LYZL4: variants seen among roughly 807,000 people sequenced by gnomAD.
LYZL4 encodes the protein lysozyme-like protein 4.
In LYZL4, 13 loss-of-function variants were observed where a neutral mutation model predicts 17.6. The ratio of observed to expected loss-of-function variants is 0.74; its 90% CI spans 0.48 to 1.18. LYZL4 has a LOEUF of 1.18. Ranked by LOEUF, LYZL4 falls within the 50% of genes most tolerant of loss-of-function variation. The pLI is 0.00. For synonymous variants in LYZL4, 64 were observed against 67.7 expected, an observed-to-expected ratio of 0.95 and a Z score of 0.27; for missense variants, 174 against 188.2, an observed-to-expected ratio of 0.92 and a Z score of 0.44.
the LYZL4 span, among the ~76,000 whole-genome samples, chr3:42,389,129 A>C: frequency 6.6e-6 from 1 of 152,260 alleles, no homozygotes; most frequent in Non-Finnish European, 1.5e-5. Flanking sequence ...GGTGGGAGCC[A>C]GGACCCTCGG....
chr3:42,404,970 A>AT (rs1345902762), intron 3 of LYZL4, among the ~76,000 whole-genome samples: 1 of 152,122 alleles, frequency 6.6e-6, no homozygotes, highest in Non-Finnish European at 1.5e-5. Context: ...ACATTATTCC[A>AT]TTTTATGTTC....
Position 42,397,282 on chromosome 3 carries a change from C to G in LYZL4, c.424G>C (p.Asp142His), listed in dbSNP as rs368162409. ...QYSDTLARWL[D>H]GCKL Reference sequence around the variant, plus strand: ...GCAGGTGGCTACAGCTTGCAACCATCCAGCCACCGTGCCAGGGTATCGGAG... The same window carrying G: ...GCAGGTGGCTACAGCTTGCAACCATGCAGCCACCGTGCCAGGGTATCGGAG... Residue 142 changes from aspartate (D) to histidine (H), a missense_variant, in exon 5 of 5, where the codon GAT (aspartate) becomes CAT (histidine). Transcript: ENST00000287748. 2.6e-5 allele frequency: 40 copies of G among 1,568,094 alleles called. No individual in the cohort carries two copies. The highest frequency in any genetic ancestry group is 3.4e-5 in the Non-Finnish European group (39 of 1,156,222).
intron 3 of LYZL4, among the ~76,000 whole-genome samples, chr3:42,404,339 T>C (rs1698711478): frequency 6.6e-6 from 1 of 152,228 alleles, no homozygotes; most frequent in Non-Finnish European, 1.5e-5. Flanking sequence ...GTAATTCTTA[T>C]AAAATTTTTT....
intron 3 of LYZL4, 88 bp from the exon 4 acceptor site, chr3:42,404,212 CAG>C: frequency 1.3e-6 from 1 of 745,360 alleles, no homozygotes; most frequent in Non-Finnish European, 2.2e-6. Flanking sequence ...GTACTCACAT[CAG>C]AGAGTCTTCC....
chr3:42,408,997 C>T (rs1312533645), intron 1 of LYZL4, among the ~76,000 whole-genome samples: 1 of 152,230 alleles, frequency 6.6e-6, no homozygotes, highest in African/African-American at 2.4e-5. Context: ...ATCATACTTT[C>T]AAACGTTTGT....
chr3:42,375,023 C>A, the LYZL4 span, among the ~76,000 whole-genome samples: 1 of 152,072 alleles, frequency 6.6e-6, no homozygotes, highest in Non-Finnish European at 1.5e-5. Flanking sequence ...GTTGCCCAGT[C>A]TGGTCTTGAA....
chr3:42,384,748 C>A, the LYZL4 span, among the ~76,000 whole-genome samples: 1 of 152,018 alleles, frequency 6.6e-6, no homozygotes, highest in Non-Finnish European at 1.5e-5. Flanking sequence ...ATTGATGGAA[C>A]CCAAGTTAAA....
At chr3:42,367,248 G>A in the LYZL4 span, among the ~76,000 whole-genome samples, 3 of 152,162 alleles carry the variant, frequency 2.0e-5, no homozygotes, top group Non-Finnish European at 4.4e-5. Flanking sequence ...TGACAAAATT[G>A]AGTGTGCCAA....
the LYZL4 span, among the ~76,000 whole-genome samples, chr3:42,385,622 C>T: frequency 1.3e-5 from 2 of 152,306 alleles, no homozygotes; most frequent in East Asian, 3.9e-4. Flanking sequence ...ATTCACTCAG[C>T]ACCATGGGAG....
At position 42,401,167 on chromosome 3, in the gene LYZL4, G is replaced by A. The variant is rs370166405; in HGVS notation, c.371+2879C>T. On this transcript the variant is annotated intron_variant, in intron 4 of 4. Coordinates refer to ENST00000287748, the MANE Select transcript of LYZL4 (RefSeq NM_144634.4). ...GATAAAGCTAACACGGGACCTATGC[G>A]GAAATATCACAAAAAGAAAAGGGGG... 1.2e-4 allele frequency among the ~76,000 whole-genome samples: 18 copies of A among 152,018 alleles called. No individual in the cohort carries two copies. In the East Asian group the frequency reaches 1.9e-3, roughly 16 times the overall value.
chr3:42,405,238 C>A (rs1360607699), intron 3 of LYZL4, among the ~76,000 whole-genome samples: 1 of 152,136 alleles, frequency 6.6e-6, no homozygotes, highest in Non-Finnish European at 1.5e-5. Context: ...TTAGTAGAGA[C>A]GGGGTTTCAC....
At chr3:42,402,231 A>C (rs1025197733) in intron 4 of LYZL4, among the ~76,000 whole-genome samples, 1 of 151,072 alleles carries the variant, frequency 6.6e-6, no homozygotes, top group African/African-American at 2.4e-5. Context: ...ACTTGAGCCC[A>C]GGAGTTCCAG....
chr3:42,399,185 C>T lies in LYZL4; in HGVS notation c.372-1851G>A, dbSNP rs1485964703. Among the ~76,000 whole-genome samples, 4 of 152,160 alleles carry T rather than the reference C, an allele frequency of 2.6e-5. No individual in the cohort carries two copies. In the South Asian group the frequency reaches 6.2e-4, roughly 24 times the overall value. ...TCTAAAACCATACAGGTTTTTAACA[C>T]CTCAGGCTGGTGAGCTGAGGAGAAA... On this transcript the variant is annotated intron_variant, in intron 4 of 4. Transcript: ENST00000287748.
chr3:42,390,511 A>G, the LYZL4 span, among the ~76,000 whole-genome samples: 1 of 151,994 alleles, frequency 6.6e-6, no homozygotes, highest in African/African-American at 2.4e-5. Context: ...CAGGTGGATT[A>G]CACTGGACCC....
rs1171128089 is a variant in LYZL4, at chr3:42,404,062, C to A, written c.355G>T (p.Glu119Ter). 1 of 1,611,112 alleles carries A rather than the reference C, an allele frequency of 6.2e-7. No individual in the cohort carries two copies. The highest frequency in any genetic ancestry group is 8.5e-7 in the Non-Finnish European group (1 of 1,177,366). Reference protein sequence around the residue: ...KCAKTIVKGKEGMGAWPTWSR... With the variant: ...KCAKTIVKGK ...AAGACTTACCATGCTCCCATCCCTTCTTTTCCTTTTACAATGGTCTTGGCA... is the reference window on the plus strand; with the variant it reads ...AAGACTTACCATGCTCCCATCCCTTATTTTCCTTTTACAATGGTCTTGGCA... Residue 119 changes from glutamate (E) to a stop codon, truncating the protein, a stop_gained, in exon 4 of 5, where the codon GAA (glutamate) becomes TAA (stop). Transcript: ENST00000287748. LOFTEE classifies it high-confidence loss of function.
At chr3:42,389,043 C>T in the LYZL4 span, among the ~76,000 whole-genome samples, 1 of 152,334 alleles carries the variant, frequency 6.6e-6, no homozygotes, top group South Asian at 2.1e-4. Flanking sequence ...TCATTAACTT[C>T]AAAGTGCAAA....
the LYZL4 span, among the ~76,000 whole-genome samples, chr3:42,362,798 C>T: frequency 3.9e-5 from 6 of 152,212 alleles, no homozygotes; most frequent in Admixed American, 1.3e-4. Flanking sequence ...TACATATCTA[C>T]ACTGCCAAAG....
At chr3:42,397,364 C>T (rs779873937) in intron 4 of LYZL4, 30 bp from the exon 5 acceptor site, 27 of 1,506,912 alleles carry the variant, frequency 1.8e-5, no homozygotes, top group Admixed American at 5.8e-5. Context: ...GGAAGGGCTC[C>T]TCAAAGTCAG....
intron 3 of LYZL4, 84 bp downstream of exon 3, chr3:42,406,762 A>G: frequency 6.5e-7 from 1 of 1,549,660 alleles, no homozygotes. Context: ...AAAACTTTGT[A>G]AACTCTGGCC....
Sources: allele counts gnomAD v4.1 joint callset (sites outside exome capture counted in the v4.1 genomes callset), GRCh38; gene constraint gnomAD v4.1.1; transcripts MANE v1.5; gene names NCBI Gene and HGNC (gene_info 2026-07-23, HGNC 2026-07-21).